The following TMEM132D variants were observed in gnomAD, a reference collection of about 807,000 sequenced individuals.
TMEM132D encodes the protein mature OL transmembrane protein.
In TMEM132D, 21 loss-of-function variants were observed where a neutral mutation model predicts 62.3. The ratio of observed to expected loss-of-function variants is 0.34; its 90% CI spans 0.24 to 0.49. The LOEUF is 0.49. Among genes scored for constraint, TMEM132D ranks in the 20% least tolerant of loss-of-function variants. The pLI is 0.99. For missense variants in TMEM132D, 1,346 were observed against 1,402.8 expected, an observed-to-expected ratio of 0.96 and a Z score of 0.65; for synonymous variants, 621 against 575.6, an observed-to-expected ratio of 1.08 and a Z score of -1.13.
At chr12:129,508,241 AT>A (rs1875397764) in intron 3 of TMEM132D, among the ~76,000 whole-genome samples, 1 of 152,176 alleles carries the variant, frequency 6.6e-6, no homozygotes, top group Admixed American at 6.5e-5. Context: ...TATACAATCC[AT>A]TGAAACCATC....
At chr12:129,186,703 G>A (rs1251500531) in intron 5 of TMEM132D, among the ~76,000 whole-genome samples, 1 of 152,176 alleles carries the variant, frequency 6.6e-6, no homozygotes, top group Non-Finnish European at 1.5e-5. Flanking sequence ...GATGAAATGA[G>A]CTAATACATG....
intron 2 of TMEM132D, among the ~76,000 whole-genome samples, chr12:129,582,228 CT>C (rs1877884851): frequency 6.6e-6 from 1 of 152,208 alleles, no homozygotes; most frequent in South Asian, 2.1e-4. Context: ...GTCCCTTTTC[CT>C]TCCAGATGTT....
chr12:129,301,009 G>A (rs1881701645), intron 4 of TMEM132D, among the ~76,000 whole-genome samples: 1 of 152,016 alleles, frequency 6.6e-6, no homozygotes, highest in Non-Finnish European at 1.5e-5. Context: ...AAATGATCGA[G>A]AATCATCTCC....
chr12:129,351,699 T>C (rs1259279250), intron 3 of TMEM132D, among the ~76,000 whole-genome samples: 1 of 152,260 alleles, frequency 6.6e-6, no homozygotes, highest in East Asian at 1.9e-4. Flanking sequence ...TTAGTTTACT[T>C]GGAATGATTT....
At chr12:129,433,788 A>G (rs949198710) in intron 3 of TMEM132D, among the ~76,000 whole-genome samples, 3 of 152,220 alleles carry the variant, frequency 2.0e-5, no homozygotes, top group Non-Finnish European at 4.4e-5. Context: ...GCCCATCAGC[A>G]GGAGGGGACA....
At chr12:129,457,399 A>G (rs1238867872) in intron 3 of TMEM132D, among the ~76,000 whole-genome samples, 3 of 136,926 alleles carry the variant, frequency 2.2e-5, no homozygotes, top group Non-Finnish European at 1.5e-5. Context: ...ATGAGAACAC[A>G]TGGACACAGG....
chr12:129,365,662 A>G (rs531657640), intron 3 of TMEM132D, among the ~76,000 whole-genome samples: 1 of 152,106 alleles, frequency 6.6e-6, no homozygotes, highest in Non-Finnish European at 1.5e-5. Flanking sequence ...GGAGCCTTGG[A>G]GCAAGAACTG....
At chr12:129,704,712 T>C (rs264467) in intron 1 of TMEM132D, among the ~76,000 whole-genome samples, 144,899 of 152,296 alleles carry the variant, frequency 0.95, 69,325 homozygotes, top group East Asian at 1. Flanking sequence ...AACGCCAATG[T>C]AAACAAGGCT....
At chr12:129,260,910 GGT>G (rs1199797107) in intron 4 of TMEM132D, among the ~76,000 whole-genome samples, 4 of 152,090 alleles carry the variant, frequency 2.6e-5, no homozygotes, top group African/African-American at 9.7e-5. Flanking sequence ...TTATCCACTT[GGT>G]TGCTGGGCAC....
At chr12:129,590,841 AC>A (rs917628718) in intron 2 of TMEM132D, among the ~76,000 whole-genome samples, 2 of 152,114 alleles carry the variant, frequency 1.3e-5, no homozygotes, top group Admixed American at 6.5e-5. Flanking sequence ...CTGAGACCTC[AC>A]CCCCTTGTCA....
At chr12:129,597,322 T>C (rs545499561) in intron 2 of TMEM132D, among the ~76,000 whole-genome samples, 2 of 152,316 alleles carry the variant, frequency 1.3e-5, no homozygotes, top group East Asian at 1.9e-4. Flanking sequence ...TTTGTACACA[T>C]TGGTAACCAG....
intron 3 of TMEM132D, among the ~76,000 whole-genome samples, chr12:129,359,265 G>C (rs1012385091): frequency 6.6e-6 from 1 of 152,096 alleles, no homozygotes; most frequent in Non-Finnish European, 1.5e-5. Context: ...GGCTGGGCCG[G>C]GGGACAATAG....
intron 1 of TMEM132D, among the ~76,000 whole-genome samples, chr12:129,721,884 T>C (rs888561255): frequency 1.3e-5 from 2 of 152,236 alleles, no homozygotes; most frequent in Non-Finnish European, 1.5e-5. Flanking sequence ...ATACCTCCTA[T>C]GCAGAAGGTA....
intron 2 of TMEM132D, among the ~76,000 whole-genome samples, chr12:129,613,819 G>A (rs1359739829): frequency 6.6e-6 from 1 of 151,682 alleles, no homozygotes; most frequent in Non-Finnish European, 1.5e-5. Flanking sequence ...CAGAACCCAG[G>A]GGACTGTCTG....
At chr12:129,705,012 G>T (rs1176826032) in intron 1 of TMEM132D, among the ~76,000 whole-genome samples, 1 of 152,196 alleles carries the variant, frequency 6.6e-6, no homozygotes, top group Non-Finnish European at 1.5e-5. Context: ...GGTTTCAGAT[G>T]CAATAACACA....
At chr12:129,217,717 G>A (rs1420480001) in intron 4 of TMEM132D, among the ~76,000 whole-genome samples, 1 of 124,938 alleles carries the variant, frequency 8.0e-6, no homozygotes, top group Non-Finnish European at 1.7e-5. Flanking sequence ...CTTGCAAAAA[G>A]GTAGCATTTT....
intron 2 of TMEM132D, among the ~76,000 whole-genome samples, chr12:129,604,096 C>T (rs1008041413): frequency 5.9e-5 from 9 of 152,064 alleles, no homozygotes; most frequent in Non-Finnish European, 1.3e-4. Flanking sequence ...TGTTCTCACT[C>T]ATAAGTGGGA....
intron 3 of TMEM132D, among the ~76,000 whole-genome samples, chr12:129,350,459 C>A (rs570238079): frequency 3.3e-4 from 50 of 152,160 alleles, no homozygotes; most frequent in Non-Finnish European, 5.6e-4. Flanking sequence ...CACAGGCCAA[C>A]GGAACACAAG....
At chr12:129,654,364 GAAACTTTGGTA>G (rs1188572898) in intron 2 of TMEM132D, among the ~76,000 whole-genome samples, 2 of 145,754 alleles carry the variant, frequency 1.4e-5, no homozygotes, top group Non-Finnish European at 3.1e-5. Context: ...CCTGGTCTAA[GAAACTTTGGTA>G]CAGGTGTTTT....
Sources: allele counts gnomAD v4.1 joint callset (sites outside exome capture counted in the v4.1 genomes callset), GRCh38; gene constraint gnomAD v4.1.1; transcripts MANE v1.5; gene names NCBI Gene and HGNC (gene_info 2026-07-23, HGNC 2026-07-21).